WDR27: variants seen among roughly 807,000 people sequenced by gnomAD.
WDR27 encodes WD repeat-containing protein 27.
A neutral mutation model predicts 114.4 loss-of-function variants in WDR27; 100 were observed. That is an observed-to-expected ratio of 0.87 (90% CI 0.74 to 1.03). The LOEUF (loss-of-function observed/expected upper bound fraction) is 1.03, where lower values mean the gene tolerates loss of function less well. WDR27 is among the 50% of genes least tolerant of loss of function. The pLI is 0.00. For missense variants in WDR27, 1,129 were observed against 1,092.9 expected (o/e 1.03, Z -0.47); for synonymous variants, 449 against 423.1 (o/e 1.06, Z -0.75).
Position 169,643,889 on chromosome 6 carries a change from C to A in WDR27, c.1658-103G>T, listed in dbSNP as rs569477368. ...ACAGGAGTCACACTGTAGAAAATCCCAGTTCATACAAGTCACACTGTAGAA... is the reference window on the plus strand; with the variant it reads ...ACAGGAGTCACACTGTAGAAAATCCAAGTTCATACAAGTCACACTGTAGAA... On this transcript the variant is annotated intron_variant, in intron 16 of 25. Transcript: ENST00000448612. 73 of 775,948 alleles carry A rather than the reference C, an allele frequency of 9.4e-5. No homozygotes were observed. In the African/African-American group the frequency reaches 1.5e-3, roughly 16 times the overall value. 48.1% of individuals were successfully genotyped at this position (775,948 alleles called of 1,614,324 possible).
intron 25 of WDR27, among the ~76,000 whole-genome samples, chr6:169,567,724 C>T (rs796430792): frequency 2.0e-5 from 3 of 152,298 alleles, no homozygotes; most frequent in African/African-American, 7.2e-5. Flanking sequence ...TTCAGCCCCA[C>T]AGCGGATTCC....
chr6:169,643,705 A>C lies in WDR27; in HGVS notation c.1739T>G (p.Val580Gly). The C allele has an allele frequency of 6.2e-7, 1 of 1,613,556 alleles. No individual in the cohort carries two copies. Among genetic ancestry groups the C allele is most frequent in the Non-Finnish European group, 8.5e-7 (1 of 1,179,672 alleles). ...ATTAAGACATGTTTTACCTGAAAAC[A>C]CAGCAGGTGTCCCAGTCAGGCTGGC... Reference protein sequence around the residue: ...FDASLTGTPAVFSGHDGAVNA... With the variant: ...FDASLTGTPAGFSGHDGAVNA... Residue 580 changes from valine (V) to glycine (G), a missense_variant, in exon 17 of 26, where the codon GTG becomes GGG. Val to Gly is a moderately radical substitution (Grantham distance 109, BLOSUM62 -3). Coordinates refer to ENST00000448612, the MANE Select transcript of WDR27 (RefSeq NM_182552.5).
At chr6:169,434,246 A>C in the WDR27 span, among the ~76,000 whole-genome samples, 1 of 152,164 alleles carries the variant, frequency 6.6e-6, no homozygotes, top group Non-Finnish European at 1.5e-5. Flanking sequence ...TCCTTAATCC[A>C]TCTTGAGTTA....
chr6:169,665,665 T>C (rs1244461784), intron 6 of WDR27, 109 bp from the exon 7 acceptor site: 2 of 1,009,038 alleles, frequency 2.0e-6, no homozygotes, highest in Non-Finnish European at 2.8e-6. Flanking sequence ...ACTTACAGTA[T>C]TTCTGTTAGT....
At chr6:169,588,647 T>A (rs934779663) in intron 23 of WDR27, among the ~76,000 whole-genome samples, 1 of 152,220 alleles carries the variant, frequency 6.6e-6, no homozygotes, top group Non-Finnish European at 1.5e-5. Flanking sequence ...ATTTGAAAAG[T>A]ATTCCCGTGC....
At chr6:169,636,616 G>A in intron 18 of WDR27, 112 bp from the exon 19 acceptor site, 1 of 1,128,024 alleles carries the variant, frequency 8.9e-7, no homozygotes, top group African/African-American at 1.6e-5. Context: ...TGTTCTAAAT[G>A]TGTACATAAA....
intron 7 of WDR27, chr6:169,664,739 A>G: frequency 1.0e-6 from 1 of 997,124 alleles, no homozygotes; most frequent in Non-Finnish European, 1.2e-6. Flanking sequence ...AACTTTATCC[A>G]GGCTTTGTGA....
At chr6:169,540,055 C>T (rs1191251540) in intron 25 of WDR27, among the ~76,000 whole-genome samples, 1 of 152,196 alleles carries the variant, frequency 6.6e-6, no homozygotes, top group Non-Finnish European at 1.5e-5. Flanking sequence ...ACCAGGTTTT[C>T]TATCCTTTCC....
intron 25 of WDR27, among the ~76,000 whole-genome samples, chr6:169,494,299 A>G (rs1196020202): frequency 6.6e-6 from 1 of 152,164 alleles, no homozygotes; most frequent in African/African-American, 2.4e-5. Context: ...CCTTAGGTAA[A>G]AGGAACCTCC....
At chr6:169,622,311 T>A (rs1813561427) in intron 21 of WDR27, among the ~76,000 whole-genome samples, 1 of 152,198 alleles carries the variant, frequency 6.6e-6, no homozygotes, top group Non-Finnish European at 1.5e-5. Context: ...CTCCTGAGGC[T>A]GTGTCACGGC....
At chr6:169,527,500 T>C (rs947576607) in intron 25 of WDR27, among the ~76,000 whole-genome samples, 3 of 152,222 alleles carry the variant, frequency 2.0e-5, no homozygotes, top group African/African-American at 7.2e-5. Context: ...CTGCTAATAG[T>C]TACAGGGTTT....
intron 19 of WDR27, among the ~76,000 whole-genome samples, chr6:169,635,795 A>C (rs1817539298): frequency 6.6e-6 from 1 of 152,252 alleles, no homozygotes; most frequent in Non-Finnish European, 1.5e-5. Context: ...ACTCAAAAAA[A>C]TAAAATGACA....
At chr6:169,598,601 T>C (rs928593372) in intron 23 of WDR27, among the ~76,000 whole-genome samples, 10 of 152,006 alleles carry the variant, frequency 6.6e-5, no homozygotes, top group African/African-American at 2.4e-4. Context: ...CTAGCTAGTG[T>C]CCCCAAGAGA....
downstream of WDR27, among the ~76,000 whole-genome samples, chr6:169,452,910 G>A (rs771653545): frequency 6.6e-6 from 1 of 152,192 alleles, no homozygotes; most frequent in Non-Finnish European, 1.5e-5. Flanking sequence ...TCACAGTGAT[G>A]TCAACTTGAA....
intron 17 of WDR27, among the ~76,000 whole-genome samples, chr6:169,641,031 C>T (rs1177684060): frequency 6.6e-6 from 1 of 152,168 alleles, no homozygotes; most frequent in African/African-American, 2.4e-5. Context: ...ACCAGCACAG[C>T]GTTTGCTGCA....
intron 21 of WDR27, among the ~76,000 whole-genome samples, chr6:169,626,436 CCA>C (rs1814846310): frequency 6.6e-6 from 1 of 152,138 alleles, no homozygotes; most frequent in Non-Finnish European, 1.5e-5. Context: ...CTTCTCTGGG[CCA>C]CACAGTGGGC....
In WDR27 at chr6:169,634,414, G is replaced by A. The variant is rs368564539; in HGVS notation, c.2101+14C>T. 62 of 1,596,526 alleles carry A rather than the reference G, an allele frequency of 3.9e-5. No individual in the cohort carries two copies. In the Middle Eastern group the frequency reaches 5.0e-4, roughly 13 times the overall value. On this transcript the variant is annotated intron_variant, in intron 20 of 25. Coordinates refer to ENST00000448612, the MANE Select transcript of WDR27 (RefSeq NM_182552.5). ...AGGGCGTAAAACCCTACCAGGATCC[G>A]GGAGAAAGGATACGGGAATAAAAGT...
chr6:169,494,701 C>T (rs1790182321), intron 25 of WDR27, among the ~76,000 whole-genome samples: 2 of 152,170 alleles, frequency 1.3e-5, no homozygotes, highest in Non-Finnish European at 2.9e-5. Context: ...CAAAACTCTT[C>T]TATTTTGAGC....
intron 23 of WDR27, among the ~76,000 whole-genome samples, chr6:169,588,952 T>C (rs1805175604): frequency 6.6e-6 from 1 of 152,218 alleles, no homozygotes; most frequent in Admixed American, 6.5e-5. Context: ...AGTGCTGAGA[T>C]TCCAAACTGA....
Sources: gnomAD v4.1 joint callset for allele counts (sites outside exome capture counted in the v4.1 genomes callset) on GRCh38, gnomAD v4.1.1 for gene constraint, MANE v1.5 for transcripts, NCBI Gene and HGNC (gene_info 2026-07-23, HGNC 2026-07-21) for gene names.